The following PLEKHA8 variants were observed in gnomAD, a reference collection of about 807,000 sequenced individuals.
PLEKHA8 encodes the protein pleckstrin homology domain containing A8.
In PLEKHA8, 36 loss-of-function variants were observed where a neutral mutation model predicts 68.2. That is an observed-to-expected ratio of 0.53 (90% CI 0.40 to 0.70). The LOEUF is 0.70. PLEKHA8 is among the 30% of genes least tolerant of loss of function. PLEKHA8 has a pLI of 0.00. For missense variants in PLEKHA8, 505 were observed against 615.4 expected, an observed-to-expected ratio of 0.82 and a Z score of 1.90; for synonymous variants, 211 against 216.1, an observed-to-expected ratio of 0.98 and a Z score of 0.20.
Position 30,054,746 on chromosome 7 carries a change from C to T in PLEKHA8, c.834C>T (p.Asn278=), listed in dbSNP as rs745499110. ...GEIRKEDGME[N]LKNHDNNLTQ... ...TAAGGAAGGAAGATGGAATGGAAAA[C>T]CTGAAAAATCATGACAATAACTTGA... The change falls in exon 8 of 14, where the codon AAC becomes AAT. Residue 278 remains asparagine (N), a synonymous_variant. Transcript: ENST00000449726. 1.9e-6 allele frequency: 3 copies of T among 1,601,636 alleles called. No homozygotes were observed. The African/African-American group carries it at 4.0e-5, about 22-fold the overall frequency.
At position 30,035,926 on chromosome 7, in the gene PLEKHA8, A is replaced by G. The variant is rs999145754; in HGVS notation, c.40+7124A>G. Among the ~76,000 whole-genome samples, 9 of 151,588 alleles carry G rather than the reference A, an allele frequency of 5.9e-5. No homozygotes were observed. The East Asian group carries it at 1.4e-3, about 23-fold the overall frequency. On this transcript the variant is annotated intron_variant, in intron 1 of 13. Coordinates refer to ENST00000449726, the MANE Select transcript of PLEKHA8 (RefSeq NM_001197026.2). Reference sequence around the variant, plus strand: ...CTCCCAAAGTGTTGGGATTACAGGCATGAGCCACCTCGCCCGGCCATATAT... The same window carrying G: ...CTCCCAAAGTGTTGGGATTACAGGCGTGAGCCACCTCGCCCGGCCATATAT...
At chr7:30,050,314 T>TG in intron 5 of PLEKHA8, 120 bp from the exon 6 acceptor site, 5 of 1,310,880 alleles carry the variant, frequency 3.8e-6, no homozygotes, top group Non-Finnish European at 5.1e-6. Context: ...TTTTGTTTAG[T>TG]GGGGCTAGTG....
chr7:30,118,468 T>A (rs1354864559), intron 13 of PLEKHA8: 1 of 155,054 alleles, frequency 6.4e-6, no homozygotes, highest in Non-Finnish European at 1.4e-5. Context: ...AGGCATGGGC[T>A]GGGCTGAGAA....
chr7:30,068,275 C>T (rs1453754396), intron 12 of PLEKHA8, among the ~76,000 whole-genome samples: 3 of 152,224 alleles, frequency 2.0e-5, no homozygotes, highest in African/African-American at 4.8e-5. Context: ...GTACATAATA[C>T]AATTGGAATG....
In PLEKHA8 at chr7:30,083,557, A is replaced by G. The variant is rs1795047875; in HGVS notation, c.*4770A>G. The G allele has an allele frequency of 2.0e-6, 2 of 985,444 alleles. No individual in the cohort carries two copies. The highest frequency in any genetic ancestry group is 3.5e-5 in the African/African-American group (2 of 57,360). The allele number at this position is 985,444 out of a possible 1,614,324, so 61.0% of individuals were successfully genotyped here. On this transcript the variant is annotated 3_prime_UTR_variant, in exon 14 of 14. Coordinates refer to ENST00000449726, the MANE Select transcript of PLEKHA8 (RefSeq NM_001197026.2). ...CAGGCACTCCAGGGCATGATTAAAC[A>G]GTCATTAACAGTGCCTCTCTGGTAC...
Position 30,078,922 on chromosome 7 carries a change from C to A in PLEKHA8, c.*135C>A. The A allele has an allele frequency of 7.0e-7, 1 of 1,433,584 alleles. No individual in the cohort carries two copies. The allele number at this position is 1,433,584 out of a possible 1,614,324, so 88.8% of individuals were successfully genotyped here. Reference sequence around the variant, plus strand: ...GGGATGGACAGGAGGTGGCAAAACCCAGTGCTTTTATAATTTTTAAAATGC... The same window carrying A: ...GGGATGGACAGGAGGTGGCAAAACCAAGTGCTTTTATAATTTTTAAAATGC... On this transcript the variant is annotated 3_prime_UTR_variant, in exon 14 of 14. Coordinates refer to ENST00000449726, the MANE Select transcript of PLEKHA8 (RefSeq NM_001197026.2).
intron 13 of PLEKHA8, among the ~76,000 whole-genome samples, chr7:30,099,742 A>G (rs1795779989): frequency 6.6e-6 from 1 of 152,246 alleles, no homozygotes; most frequent in African/African-American, 2.4e-5. Context: ...TGGGAAATGG[A>G]GAGTGGCAGC....
intron 13 of PLEKHA8, among the ~76,000 whole-genome samples, chr7:30,122,658 G>A (rs1278054317): frequency 6.6e-6 from 1 of 152,216 alleles, no homozygotes; most frequent in Non-Finnish European, 1.5e-5. Context: ...GGACTCCTGA[G>A]TTTGAGGTGA....
At chr7:30,043,787 G>A (rs964798182) in intron 1 of PLEKHA8, among the ~76,000 whole-genome samples, 4 of 152,100 alleles carry the variant, frequency 2.6e-5, no homozygotes, top group Admixed American at 6.6e-5. Flanking sequence ...CTATTAAAAC[G>A]TAATAAAGTG....
intron 13 of PLEKHA8, among the ~76,000 whole-genome samples, chr7:30,108,306 A>C (rs911790271): frequency 6.6e-6 from 1 of 151,892 alleles, no homozygotes; most frequent in African/African-American, 2.4e-5. Flanking sequence ...TTGGGCTTTA[A>C]TTTTTTCCTT....
intron 13 of PLEKHA8, among the ~76,000 whole-genome samples, chr7:30,098,674 G>A (rs62446722): frequency 0.14 from 21,760 of 152,222 alleles, 1,585 homozygotes; most frequent in Middle Eastern, 0.18. Context: ...TGTTAAACCC[G>A]TTGGAAAAGC....
chr7:30,127,746 T>A (rs951466642), intron 13 of PLEKHA8, among the ~76,000 whole-genome samples: 1 of 152,212 alleles, frequency 6.6e-6, no homozygotes, highest in African/African-American at 2.4e-5. Context: ...TCTATAGAAA[T>A]AAAAATTGTG....
At chr7:30,092,576 C>G (rs1396529683), downstream of PLEKHA8, among the ~76,000 whole-genome samples, 2 of 152,224 alleles carry the variant, frequency 1.3e-5, no homozygotes, top group African/African-American at 4.8e-5. Flanking sequence ...GCACCTGACA[C>G]TCTCCATAGG....
chr7:30,083,180 A>G lies in PLEKHA8; in HGVS notation c.*4393A>G, dbSNP rs930996291. ...CTTCAGATACTCTTTGTGATCTTGTAAGGGCTCTACACAAACTTCATTATG... is the reference window on the plus strand; with the variant it reads ...CTTCAGATACTCTTTGTGATCTTGTGAGGGCTCTACACAAACTTCATTATG... On this transcript the variant is annotated 3_prime_UTR_variant, in exon 14 of 14. Transcript: ENST00000449726. 1.0e-6 allele frequency: 1 copy of G among 983,688 alleles called. No homozygotes were observed. The highest frequency in any genetic ancestry group is 1.2e-6 in the Non-Finnish European group (1 of 828,410). The allele number at this position is 983,688 out of a possible 1,614,324, so 60.9% of individuals were successfully genotyped here.
At chr7:30,078,514 T>C in intron 13 of PLEKHA8, 76 bp from the exon 14 acceptor site, 1 of 1,454,496 alleles carries the variant, frequency 6.9e-7, no homozygotes, top group Non-Finnish European at 9.6e-7. Flanking sequence ...TATGTGTGTG[T>C]GCATGTGCAC....
intron 13 of PLEKHA8, among the ~76,000 whole-genome samples, chr7:30,104,870 A>G (rs909671720): frequency 6.6e-6 from 1 of 151,820 alleles, no homozygotes; most frequent in Non-Finnish European, 1.5e-5. Flanking sequence ...CTACAGGTAC[A>G]TGCCACCACA....
intron 9 of PLEKHA8, 91 bp downstream of exon 9, chr7:30,055,433 T>C: frequency 9.3e-7 from 1 of 1,076,658 alleles, no homozygotes; most frequent in Middle Eastern, 2.0e-4. Flanking sequence ...AAACTATGTG[T>C]ACAGTGAGAT....
At chr7:30,100,933 T>C (rs932005137) in intron 13 of PLEKHA8, among the ~76,000 whole-genome samples, 4 of 152,178 alleles carry the variant, frequency 2.6e-5, no homozygotes, top group Admixed American at 2.6e-4. Context: ...CTCATGCCTG[T>C]AATCCAAACA....
Position 30,101,200 on chromosome 7 carries a change from G to GAAAGA in PLEKHA8, c.1362+27078_1362+27082dup, listed in dbSNP as rs974666651. ...TGGGGGAAAAAAAAAAAAGAAGAAAGAAAGAAAAGAAAAGTAAATGCATTT... is the reference window on the plus strand; with the variant it reads ...TGGGGGAAAAAAAAAAAAGAAGAAAGAAAGAAAAGAAAAGAAAAGTAAATGCATTT... On this transcript the variant is annotated intron_variant, in intron 13 of 13. Transcript: ENST00000396257. 7.9e-5 allele frequency among the ~76,000 whole-genome samples: 12 copies of GAAAGA among 151,306 alleles called. No individual in the cohort carries two copies. The East Asian group carries it at 2.1e-3, about 27-fold the overall frequency.
Sources: allele counts gnomAD v4.1 joint callset (sites outside exome capture counted in the v4.1 genomes callset), GRCh38; gene constraint gnomAD v4.1.1; transcripts MANE v1.5; gene names NCBI Gene and HGNC (gene_info 2026-07-23, HGNC 2026-07-21).